The following NFATC4 variants were observed in gnomAD, a reference collection of about 807,000 sequenced individuals.
NFATC4 encodes nuclear factor of activated T cells 4.
In NFATC4, 25 loss-of-function variants were observed where a neutral mutation model predicts 73.4. That is an observed-to-expected ratio of 0.34 (90% confidence interval 0.25 to 0.48). The LOEUF (loss-of-function observed/expected upper bound fraction) is 0.48, where lower values mean the gene tolerates loss of function less well. Ranked by LOEUF, NFATC4 falls within the 20% of genes least tolerant of loss-of-function variation. The pLI is 0.99. For missense variants in NFATC4, 1,130 were observed against 1,203.7 expected (o/e 0.94, Z 0.91); for synonymous variants, 523 against 510.3 (o/e 1.02, Z -0.34).
At position 24,368,381 on chromosome 14, in the gene NFATC4, A is replaced by G; in HGVS notation, c.41A>G (p.Lys14Arg). The G allele has an allele frequency of 7.3e-7, 1 of 1,368,352 alleles. No homozygotes were observed. The highest frequency in any genetic ancestry group is 9.4e-7 in the Non-Finnish European group (1 of 1,060,472). The allele number at this position is 1,368,352 out of a possible 1,614,324, so 84.8% of individuals were successfully genotyped here. Reference sequence around the variant, plus strand: ...TGCGAGGATGAGGAGCTGGAATTTAAGCTGGTGTTCGGGGAGGAAAAGGAG... The same window carrying G: ...TGCGAGGATGAGGAGCTGGAATTTAGGCTGGTGTTCGGGGAGGAAAAGGAG... The part of the protein sequence containing the change: ...ASCEDEELEF[K>R]LVFGEEKEAP... Residue 14 changes from lysine (K) to arginine (R), a missense_variant, in exon 1 of 10, where the codon AAG becomes AGG. Lys to Arg is a conservative substitution (Grantham distance 26). Coordinates refer to ENST00000250373, the MANE Select transcript of NFATC4 (RefSeq NM_004554.5).
In NFATC4 at chr14:24,368,216, G is replaced by A. The variant is rs1176485819; in HGVS notation, c.-125G>A. 9 of 1,303,610 alleles carry A rather than the reference G, an allele frequency of 6.9e-6. No individual in the cohort carries two copies. Among genetic ancestry groups the A allele is most frequent in the Non-Finnish European group, 4.9e-6 (5 of 1,022,486 alleles). The allele number at this position is 1,303,610 out of a possible 1,614,324, so 80.8% of individuals were successfully genotyped here. On this transcript the variant is annotated 5_prime_UTR_variant, in exon 1 of 10. Coordinates refer to ENST00000250373, the MANE Select transcript of NFATC4 (RefSeq NM_004554.5). ...AACGAGGGGGCTTCTGGAGGGAGGC[G>A]GCAGCGACGGAGGAGGGGGCTTCTC...
chr14:24,379,087 A>G lies in NFATC4; in HGVS notation c.*1382A>G, dbSNP rs898286631. ...CTCTCTATGCCCAATGAGTCCAGGCAGTCCTAGCAAGTACTCAGGAGAGCA... is the reference window on the plus strand; with the variant it reads ...CTCTCTATGCCCAATGAGTCCAGGCGGTCCTAGCAAGTACTCAGGAGAGCA... On this transcript the variant is annotated 3_prime_UTR_variant, in exon 10 of 10. Coordinates refer to ENST00000250373, the MANE Select transcript of NFATC4 (RefSeq NM_004554.5). 6.6e-6 allele frequency: 1 copy of G among 152,236 alleles called. No homozygotes were observed. The highest frequency in any genetic ancestry group is 1.5e-5 in the Non-Finnish European group (1 of 68,062). 9.4% of individuals were successfully genotyped at this position (152,236 alleles called of 1,614,324 possible).
rs747289825 is a variant in NFATC4, at chr14:24,376,867, C to T, written c.2630C>T (p.Thr877Met). ...FRDSVPIQGI[T>M]LEEVSEIIGR... The stretch of plus-strand genomic sequence containing the variant: ...GACAGTGTCCCTATCCAGGGTATCA[C>T]GCTGGAGGAAGGTGGGTGTGGGACT... Residue 877 changes from threonine (T) to methionine (M), a missense_variant, in exon 9 of 10, where the codon ACG (threonine) becomes ATG (methionine). Coordinates refer to ENST00000250373, the MANE Select transcript of NFATC4 (RefSeq NM_004554.5). The surrounding 1 kb of genome is among the most constrained non-coding windows in gnomAD (Gnocchi z 5.0). 3.7e-5 allele frequency: 58 copies of T among 1,566,064 alleles called. No individual in the cohort carries two copies. Among genetic ancestry groups the T allele is most frequent in the Non-Finnish European group, 3.8e-5 (44 of 1,157,566 alleles).
At position 24,376,650 on chromosome 14, in the gene NFATC4, T is replaced by G; in HGVS notation, c.2413T>G (p.Phe805Val). 1 of 1,613,432 alleles carries G rather than the reference T, an allele frequency of 6.2e-7. No homozygotes were observed. Among genetic ancestry groups the G allele is most frequent in the Non-Finnish European group, 8.5e-7 (1 of 1,179,790 alleles). Residue 805 changes from phenylalanine to valine, a missense_variant, in exon 9 of 10, where the codon TTC becomes GTC. Around this residue, in one of 3 missense-constraint regions of NFATC4, gnomAD observed 390 missense variants for 408.1 expected, o/e 0.96. Transcript: ENST00000250373. This position sits in a 1 kb window ranked among gnomAD's most constrained non-coding sequence, Gnocchi z 5.0. ...CTCCTCTTTCTCCCTGGGGCTGCCA[T>G]TCTCTCCGCCAGCCCCCTTTCGGCC... ...RGSSFSLGLP[F>V]SPPAPFRPPP...
At chr14:24,374,694 C>T (rs1490283894) in intron 6 of NFATC4, 6 of 485,250 alleles carry the variant, frequency 1.2e-5, no homozygotes, top group Non-Finnish European at 2.2e-5. Flanking sequence ...AATGCACATT[C>T]TGTCTAATAA....
At chr14:24,369,084 G>A in intron 1 of NFATC4, 1 of 1,402,396 alleles carries the variant, frequency 7.1e-7, no homozygotes, top group South Asian at 1.5e-5. Context: ...CTCTGGCCAC[G>A]GTTGCGATGG....
chr14:24,377,754 T>C lies in NFATC4; in HGVS notation c.*49T>C. 1 of 1,613,796 alleles carries C rather than the reference T, an allele frequency of 6.2e-7. No homozygotes were observed. Among genetic ancestry groups the C allele is most frequent in the Non-Finnish European group, 8.5e-7 (1 of 1,179,808 alleles). ...GCAACCCCAGCCCCAGCCTCAGCCC[T>C]GCCCCCTTTCCCTCCTTCCTGGAGT... On this transcript the variant is annotated 3_prime_UTR_variant, in exon 10 of 10. Coordinates refer to ENST00000250373, the MANE Select transcript of NFATC4 (RefSeq NM_004554.5). The surrounding 1 kb of genome is among the most constrained non-coding windows in gnomAD (Gnocchi z 4.2).
rs918602264 is a variant in NFATC4 at position 24,377,919 on chromosome 14, G to A, written c.*214G>A. On this transcript the variant is annotated 3_prime_UTR_variant, in exon 10 of 10. Transcript: ENST00000250373. This position sits in a 1 kb window ranked among gnomAD's most constrained non-coding sequence, Gnocchi z 4.2. ...CTTGGAGGGCTGGGGGAAGGAGTGTGTGGAGGAGGGAGGAGGGTGAAGACT... is the reference window on the plus strand; with the variant it reads ...CTTGGAGGGCTGGGGGAAGGAGTGTATGGAGGAGGGAGGAGGGTGAAGACT... 3 of 975,350 alleles carry A rather than the reference G, an allele frequency of 3.1e-6. No homozygotes were observed. The highest frequency in any genetic ancestry group is 4.4e-6 in the Non-Finnish European group (3 of 679,352). 60.4% of individuals were successfully genotyped at this position (975,350 alleles called of 1,614,324 possible).
In NFATC4 at chr14:24,378,404, G is replaced by A. The variant is rs2042684728; in HGVS notation, c.*699G>A. ...ATAGCCAAGATGAGGACACACTGAT[G>A]TAGCTGATCTCTCATTTACAGAGGA... is the stretch of plus-strand genomic sequence containing the variant. On this transcript the variant is annotated 3_prime_UTR_variant, in exon 10 of 10. Transcript: ENST00000250373. 1 of 152,850 alleles carries A rather than the reference G, an allele frequency of 6.5e-6. No individual in the cohort carries two copies. Among genetic ancestry groups the A allele is most frequent in the Admixed American group, 6.5e-5 (1 of 15,348 alleles). 9.5% of individuals were successfully genotyped at this position (152,850 alleles called of 1,614,324 possible).
At chr14:24,375,757 G>GCGGC in intron 7 of NFATC4, 42 bp downstream of exon 7, 1 of 566,438 alleles carries the variant, frequency 1.8e-6, no homozygotes, top group Non-Finnish European at 3.3e-6. Context: ...GCGGGGGTGG[G>GCGGC]AGAAGGCAGG....
At chr14:24,372,197 T>A in intron 2 of NFATC4, 1 of 492,710 alleles carries the variant, frequency 2.0e-6, no homozygotes, top group East Asian at 3.7e-5. Context: ...CTTTCACACC[T>A]CAAGGGGCTC....
rs1044995397 is a variant in NFATC4 at position 24,378,355 on chromosome 14, C to T, written c.*650C>T. ...GCATTTTTCCAGGTCCTTAGTCTTG[C>T]CACCACACAGATGATTCTGATTCAT... is the stretch of plus-strand genomic sequence containing the variant. On this transcript the variant is annotated 3_prime_UTR_variant, in exon 10 of 10. Coordinates refer to ENST00000250373, the MANE Select transcript of NFATC4 (RefSeq NM_004554.5). 7.8e-5 allele frequency: 12 copies of T among 154,194 alleles called. No homozygotes were observed. Among genetic ancestry groups the T allele is most frequent in the Admixed American group, 6.9e-4 (11 of 15,828 alleles). 9.6% of individuals were successfully genotyped at this position (154,194 alleles called of 1,614,324 possible). A position where few individuals can be genotyped will look rare whatever the true frequency, so the allele number is the denominator to read the frequency against.
At chr14:24,372,420 A>G in intron 2 of NFATC4, 21 bp from the exon 3 acceptor site, 1 of 1,609,978 alleles carries the variant, frequency 6.2e-7, no homozygotes, top group East Asian at 2.2e-5. Context: ...CACATGATCA[A>G]TGCTCTTCTC....
rs1052716839 is a variant in NFATC4, at chr14:24,378,456, G to A, written c.*751G>A. The stretch of plus-strand genomic sequence containing the variant: ...GATTCTAAAGTTCAGAGAGGGAAAG[G>A]GGCTTGCCTGAGGTCACGTAGATAA... On this transcript the variant is annotated 3_prime_UTR_variant, in exon 10 of 10. Coordinates refer to ENST00000250373, the MANE Select transcript of NFATC4 (RefSeq NM_004554.5). 1.3e-5 allele frequency: 2 copies of A among 152,670 alleles called. No individual in the cohort carries two copies. The highest frequency in any genetic ancestry group is 4.8e-5 in the African/African-American group (2 of 41,446). The allele number at this position is 152,670 out of a possible 1,614,324, so 9.5% of individuals were successfully genotyped here.
At position 24,375,614 on chromosome 14, in the gene NFATC4, CA is replaced by C. The variant is rs779565196; in HGVS notation, c.1874-45del. ...AATGGCAGAGAACTAGGGCAGGGGA[CA>C]GGGGCGCTGGAGTTGGGCTGCAGCT... is the stretch of plus-strand genomic sequence containing the variant. On this transcript the variant is annotated intron_variant, in intron 6 of 9. Transcript: ENST00000250373. 7.8e-6 allele frequency: 12 copies of C among 1,547,230 alleles called. No individual in the cohort carries two copies. The African/African-American group carries it at 8.2e-5, about 11-fold the overall frequency.
chr14:24,376,209 G>A lies in NFATC4; in HGVS notation c.2057-85G>A. The stretch of plus-strand genomic sequence containing the variant: ...AGGGGCCAAGGGGTGAATGGAACCT[G>A]GGAGGAGCAGGCAGCTGGAAGGTGT... On this transcript the variant is annotated intron_variant, in intron 8 of 9. Coordinates refer to ENST00000250373, the MANE Select transcript of NFATC4 (RefSeq NM_004554.5). This position sits in a 1 kb window ranked among gnomAD's most constrained non-coding sequence, Gnocchi z 5.0. 1 of 1,576,134 alleles carries A rather than the reference G, an allele frequency of 6.3e-7. No individual in the cohort carries two copies. Among genetic ancestry groups the A allele is most frequent in the Non-Finnish European group, 8.6e-7 (1 of 1,159,358 alleles).
Position 24,377,104 on chromosome 14 carries a change from T to G in NFATC4, c.2641+226T>G. 7.6e-7 allele frequency: 1 copy of G among 1,319,906 alleles called. No homozygotes were observed. The highest frequency in any genetic ancestry group is 2.6e-5 in the South Asian group (1 of 38,728). The allele number at this position is 1,319,906 out of a possible 1,614,324, so 81.8% of individuals were successfully genotyped here. A position where few individuals can be genotyped will look rare whatever the true frequency, so the allele number is the denominator to read the frequency against. ...ACTGTCTCAGCCTTTCTCCTGTCTCTGCCTCTGTCCTCTGCTCCAAATCAT... is the reference window on the plus strand; with the variant it reads ...ACTGTCTCAGCCTTTCTCCTGTCTCGGCCTCTGTCCTCTGCTCCAAATCAT... On this transcript the variant is annotated intron_variant, in intron 9 of 9. Transcript: ENST00000250373. The surrounding 1 kb of genome is among the most constrained non-coding windows in gnomAD (Gnocchi z 4.2).
At position 24,373,743 on chromosome 14, in the gene NFATC4, T is replaced by C. The variant is rs746189978; in HGVS notation, c.1608T>C (p.Leu536=). The change falls in exon 5 of 10, where the codon CTT becomes CTC. Residue 536 remains leucine, a synonymous_variant. Coordinates refer to ENST00000250373, the MANE Select transcript of NFATC4 (RefSeq NM_004554.5). This position sits in a 1 kb window ranked among gnomAD's most constrained non-coding sequence, Gnocchi z 4.7. ...AGCTTCGGAATTCAGACATTGAGCT[T>C]CGGAAGGGTGAGACGGACATCGGGC... ...ILKLRNSDIE[L]RKGETDIGRK... is the part of the protein sequence containing the mutation. The C allele has an allele frequency of 1.2e-6, 2 of 1,613,560 alleles. No individual in the cohort carries two copies. The highest frequency in any genetic ancestry group is 2.2e-5 in the South Asian group (2 of 91,078).
Position 24,370,291 on chromosome 14 carries a change from C to T in NFATC4, c.893C>T (p.Pro298Leu), listed in dbSNP as rs779453735. Residue 298 changes from proline (P) to leucine (L), a missense_variant, in exon 2 of 10, where the codon CCT becomes CTT. By Grantham distance (98) the Pro-to-Leu change is moderately conservative. This residue lies in a region of NFATC4 where 585 missense variants were observed against 574.3 expected (regional missense o/e 1.02). Transcript: ENST00000250373. ...GSLGEEGSEP[P>L]PPPPLPLARD... ...CTGGGGGAAGAGGGGTCTGAGCCAC[C>T]TCCACCACCCCCATTGCCTCTGGCC... The T allele has an allele frequency of 1.2e-6, 2 of 1,611,594 alleles. No individual in the cohort carries two copies. The highest frequency in any genetic ancestry group is 1.7e-6 in the Non-Finnish European group (2 of 1,178,468).
Sources: allele counts gnomAD v4.1 joint callset, GRCh38; gene constraint gnomAD v4.1.1; regional missense constraint gnomAD v4.1.1; non-coding constraint Gnocchi (gnomAD v3.1); transcripts MANE v1.5; gene names NCBI Gene and HGNC (gene_info 2026-07-23, HGNC 2026-07-21).